The following CELF2 variants were observed in gnomAD, a reference collection of about 807,000 sequenced individuals.
CELF2 encodes CUGBP Elav-like family member 2.
In CELF2, 8 loss-of-function variants were observed where a neutral mutation model predicts 62.6. The observed-to-expected ratio is 0.13, with a 90% CI of 0.07 to 0.23. The LOEUF is 0.23. CELF2 is among the 10% of genes least tolerant of loss of function. The probability of loss-of-function intolerance (pLI) is 1.00; values close to 1 mark genes in which losing one functional copy is unlikely to be tolerated. For synonymous variants in CELF2, 258 were observed against 250.0 expected (o/e 1.03, Z -0.30); for missense variants, 333 against 671.0 (o/e 0.50, Z 5.56).
At chr10:11,094,148 A>G (rs982218805) in intron 1 of CELF2, among the ~76,000 whole-genome samples, 1 of 152,194 alleles carries the variant, frequency 6.6e-6, no homozygotes, top group Non-Finnish European at 1.5e-5. Flanking sequence ...TTTATGAAAC[A>G]TGTCTTTGTG....
At chr10:11,027,530 G>A (rs1016499020) in intron 1 of CELF2, among the ~76,000 whole-genome samples, 16 of 152,028 alleles carry the variant, frequency 1.1e-4, no homozygotes, top group African/African-American at 3.4e-4. Context: ...CCTTTCTTTC[G>A]GGAGGAATTG....
At chr10:10,471,621 A>G in the CELF2 span, among the ~76,000 whole-genome samples, 1 of 151,708 alleles carries the variant, frequency 6.6e-6, no homozygotes. Flanking sequence ...AGCTATATAT[A>G]TAATAATATT....
chr10:10,663,493 A>G, the CELF2 span, among the ~76,000 whole-genome samples: 2 of 152,254 alleles, frequency 1.3e-5, no homozygotes, highest in Non-Finnish European at 2.9e-5. Context: ...AAGCTATTCA[A>G]TCCATTTGAA....
chr10:10,468,661 G>C, the CELF2 span, among the ~76,000 whole-genome samples: 1 of 152,072 alleles, frequency 6.6e-6, no homozygotes, highest in Non-Finnish European at 1.5e-5. Flanking sequence ...TCTTCAACTA[G>C]GGCGTGAACA....
intron 2 of CELF2, chr10:10,951,698 A>G (rs1367748933): frequency 1.3e-5 from 2 of 152,234 alleles, no homozygotes; most frequent in African/African-American, 4.8e-5. Flanking sequence ...AGAAGAAAGA[A>G]AAAGGTTCAT....
rs1032271144 is a variant in CELF2 at position 11,157,822 on chromosome 10, G to A, written c.75-7664G>A. 1.3e-5 allele frequency among the ~76,000 whole-genome samples: 2 copies of A among 152,188 alleles called. No individual in the cohort carries two copies. The highest frequency in any genetic ancestry group is 2.4e-5 in the African/African-American group (1 of 41,434). On this transcript the variant is annotated intron_variant, in intron 1 of 12. Coordinates refer to ENST00000633077, the MANE Select transcript of CELF2 (RefSeq NM_001326342.2). This position sits in a 1 kb window ranked among gnomAD's most constrained non-coding sequence, Gnocchi z 4.9. The stretch of plus-strand genomic sequence containing the variant: ...AGAGGGTTGTGAATCCGCACTGACC[G>A]TGTTCTCTTGCATAAATAAGTCCAG...
chr10:11,079,125 C>T (rs1341284123), intron 1 of CELF2, among the ~76,000 whole-genome samples: 2 of 152,116 alleles, frequency 1.3e-5, no homozygotes, highest in African/African-American at 4.8e-5. Context: ...TAAGGGGACT[C>T]CTTACATTTA....
At chr10:10,731,487 T>C in the CELF2 span, among the ~76,000 whole-genome samples, 1 of 152,184 alleles carries the variant, frequency 6.6e-6, no homozygotes, top group Non-Finnish European at 1.5e-5. Flanking sequence ...AACTAGAATC[T>C]AAATGAAATG....
chr10:10,509,032 G>A, the CELF2 span, among the ~76,000 whole-genome samples: 1 of 152,090 alleles, frequency 6.6e-6, no homozygotes, highest in Non-Finnish European at 1.5e-5. Flanking sequence ...ATCCCAAAGT[G>A]GCTATATGGT....
At chr10:10,897,844 C>T (rs915436139) in intron 1 of CELF2, among the ~76,000 whole-genome samples, 4 of 152,166 alleles carry the variant, frequency 2.6e-5, no homozygotes, top group African/African-American at 9.7e-5. Flanking sequence ...AGGCAGAAAA[C>T]AGGCTGATAG....
rs550047408 is a variant in CELF2 at position 11,311,219 on chromosome 10, G to T, written c.977-2920G>T. On this transcript the variant is annotated intron_variant, in intron 9 of 12. Coordinates refer to ENST00000633077, the MANE Select transcript of CELF2 (RefSeq NM_001326342.2). The surrounding 1 kb of genome is among the most constrained non-coding windows in gnomAD (Gnocchi z 4.7). ...TAGGGCCAGGGGAATTTCCCTCTGA[G>T]AATTCATAACAATAAACCATCCCTC... is the stretch of plus-strand genomic sequence containing the variant. Among the ~76,000 whole-genome samples the T allele has an allele frequency of 6.6e-6, 1 of 152,192 alleles. No homozygotes were observed. Among genetic ancestry groups the T allele is most frequent in the East Asian group, 1.9e-4 (1 of 5,204 alleles).
chr10:11,077,356 C>T (rs2072333645), intron 1 of CELF2, among the ~76,000 whole-genome samples: 1 of 152,176 alleles, frequency 6.6e-6, no homozygotes, highest in Non-Finnish European at 1.5e-5. Context: ...AGTAAGGAAA[C>T]ACGACTCTGG....
intron 1 of CELF2, among the ~76,000 whole-genome samples, chr10:11,149,606 C>T (rs1481882803): frequency 2.0e-5 from 3 of 152,202 alleles, no homozygotes; most frequent in African/African-American, 7.2e-5. Context: ...CGTCAGGACA[C>T]ATTTCGTGTT....
the CELF2 span, among the ~76,000 whole-genome samples, chr10:10,744,750 A>G: frequency 6.6e-6 from 1 of 152,042 alleles, no homozygotes; most frequent in Admixed American, 6.6e-5. Flanking sequence ...GTGACATTTA[A>G]TTGGTCAATT....
chr10:10,708,278 A>G, the CELF2 span, among the ~76,000 whole-genome samples: 1 of 152,212 alleles, frequency 6.6e-6, no homozygotes, highest in South Asian at 2.1e-4. Flanking sequence ...ACACTCTGGA[A>G]TGCTACCCTC....
chr10:11,319,277 C>T lies in CELF2; in HGVS notation c.1097-1912C>T, dbSNP rs533528638. ...GCCCTTCCCGAGTTATTGTACATAC[C>T]CCTCTCACCTATCTCAAAAAACACG... On this transcript the variant is annotated intron_variant, in intron 10 of 12. Coordinates refer to ENST00000633077, the MANE Select transcript of CELF2 (RefSeq NM_001326342.2). This position sits in a 1 kb window ranked among gnomAD's most constrained non-coding sequence, Gnocchi z 4.4. The T allele has an allele frequency of 9.4e-5, 34 of 363,226 alleles. No individual in the cohort carries two copies. Among genetic ancestry groups the T allele is most frequent in the South Asian group, 7.0e-4 (34 of 48,400 alleles). The allele number at this position is 363,226 out of a possible 1,614,324, so 22.5% of individuals were successfully genotyped here.
At position 11,008,029 on chromosome 10, in the gene CELF2, A is replaced by G. The variant is rs371412239; in HGVS notation, c.53+2589A>G. ...GCCCCCATTCTAGCATCCGACATAC[A>G]TATGTCTTTTCCTTTCACCTGATAG... is the stretch of plus-strand genomic sequence containing the variant. On this transcript the variant is annotated intron_variant, in intron 1 of 12. Transcript: ENST00000416382. The surrounding 1 kb of genome is among the most constrained non-coding windows in gnomAD (Gnocchi z 4.5). Among the ~76,000 whole-genome samples, 4 of 152,236 alleles carry G rather than the reference A, an allele frequency of 2.6e-5. No homozygotes were observed. Among genetic ancestry groups the G allele is most frequent in the East Asian group, 3.9e-4 (2 of 5,184 alleles).
At chr10:10,981,402 G>T (rs1012020709) in intron 2 of CELF2, among the ~76,000 whole-genome samples, 1 of 152,164 alleles carries the variant, frequency 6.6e-6, no homozygotes, top group East Asian at 1.9e-4. Context: ...AGAAGAAGTG[G>T]CCGGCATATG....
intron 9 of CELF2, among the ~76,000 whole-genome samples, chr10:11,310,552 G>A (rs1403945279): frequency 6.6e-6 from 1 of 152,036 alleles, no homozygotes; most frequent in Non-Finnish European, 1.5e-5. Context: ...ACTGGAAGGA[G>A]GGCCCAAGGA....
Sources: allele counts gnomAD v4.1 joint callset (sites outside exome capture counted in the v4.1 genomes callset), GRCh38; gene constraint gnomAD v4.1.1; non-coding constraint Gnocchi (gnomAD v3.1); transcripts MANE v1.5; gene names NCBI Gene and HGNC (gene_info 2026-07-23, HGNC 2026-07-21).